CNTNAP5: variants seen among roughly 807,000 people sequenced by gnomAD.
CNTNAP5 encodes contactin-associated protein-like 5.
Under a neutral mutation model 150.2 loss-of-function variants are expected in CNTNAP5, and 72 were observed. That is an observed-to-expected ratio of 0.48 (90% confidence interval 0.40 to 0.58). The LOEUF (loss-of-function observed/expected upper bound fraction) is 0.58. Among genes scored for constraint, CNTNAP5 ranks in the 20% least tolerant of loss-of-function variants. The pLI is 0.00. For synonymous variants in CNTNAP5, 672 were observed against 619.8 expected, an observed-to-expected ratio of 1.08 and a Z score of -1.25; for missense variants, 1,636 against 1,626.2, an observed-to-expected ratio of 1.01 and a Z score of -0.10.
chr2:124,665,032 G>A (rs1558726346), intron 13 of CNTNAP5, among the ~76,000 whole-genome samples: 1 of 152,148 alleles, frequency 6.6e-6, no homozygotes, highest in African/African-American at 2.4e-5. Flanking sequence ...CGAGACAGAA[G>A]TAATTGGTGC....
rs762142001 is a variant in CNTNAP5, at chr2:124,474,786, A to G, written c.966A>G (p.Leu322=). The G allele has an allele frequency of 3.1e-6, 5 of 1,601,456 alleles. No individual in the cohort carries two copies. Among genetic ancestry groups the G allele is most frequent in the East Asian group, 2.3e-5 (1 of 44,390 alleles). Residue 322 remains leucine, a synonymous_variant, in exon 7 of 24, where the codon TTA becomes TTG. Coordinates refer to ENST00000682447, the MANE Select transcript of CNTNAP5 (RefSeq NM_001367498.1). ...TACCAGGAAAACCTGGGACCTTTTT[A>G]AAGAAAAACTTCCATGGATGCATCG... The part of the protein sequence containing the change: ...IPVPGKPGTF[L]KKNFHGCIEN...
At chr2:124,129,520 T>TA (rs11451862) in intron 1 of CNTNAP5, among the ~76,000 whole-genome samples, 20,499 of 151,688 alleles carry the variant, frequency 0.14, 1,464 homozygotes, top group Middle Eastern at 0.23. Context: ...GGGAATAATT[T>TA]AAAAAAAAAC....
intron 1 of CNTNAP5, among the ~76,000 whole-genome samples, chr2:124,128,303 A>G (rs1224819108): frequency 2.6e-5 from 4 of 152,218 alleles, no homozygotes; most frequent in Admixed American, 2.6e-4. Context: ...CAACAGACAC[A>G]CGAAAAAATG....
At chr2:124,048,773 G>A (rs1051139118) in intron 1 of CNTNAP5, among the ~76,000 whole-genome samples, 3 of 152,146 alleles carry the variant, frequency 2.0e-5, no homozygotes, top group Non-Finnish European at 2.9e-5. Context: ...AGTGATAAAC[G>A]GGGTCATCCA....
chr2:124,445,109 A>G (rs901031992), intron 5 of CNTNAP5, among the ~76,000 whole-genome samples: 16 of 142,738 alleles, frequency 1.1e-4, no homozygotes, highest in Non-Finnish European at 2.0e-4. Flanking sequence ...TTTTAGATGA[A>G]GTTTTGCTCT....
intron 3 of CNTNAP5, among the ~76,000 whole-genome samples, chr2:124,317,322 T>C (rs952194605): frequency 1.3e-5 from 2 of 152,176 alleles, no homozygotes; most frequent in Non-Finnish European, 2.9e-5. Context: ...TATCCAATGT[T>C]ACCAATACAA....
chr2:124,800,047 A>G (rs1388323069), intron 19 of CNTNAP5, among the ~76,000 whole-genome samples: 1 of 152,204 alleles, frequency 6.6e-6, no homozygotes, highest in African/African-American at 2.4e-5. Context: ...TGTGAGGGTG[A>G]TAAAGCTGAC....
chr2:124,715,065 G>C (rs1035314819), intron 13 of CNTNAP5, among the ~76,000 whole-genome samples: 3 of 152,174 alleles, frequency 2.0e-5, no homozygotes, highest in Non-Finnish European at 4.4e-5. Flanking sequence ...AGAGGCAAAA[G>C]TAATGCTATT....
At chr2:124,536,545 C>T (rs569429661) in intron 10 of CNTNAP5, among the ~76,000 whole-genome samples, 2 of 152,220 alleles carry the variant, frequency 1.3e-5, no homozygotes, top group South Asian at 4.1e-4. Context: ...ACAACCAATT[C>T]TTAGAGAGGT....
Position 124,417,450 on chromosome 2 carries a change from C to A in CNTNAP5, c.389C>A (p.Ala130Glu), listed in dbSNP as rs889258426. ...YKQEDSIWTF[A>E]GNMNADSVVH... is the part of the protein sequence containing the mutation. The stretch of plus-strand genomic sequence containing the variant: ...CTCCTTTCTTCTCTGCAGACCTTTG[C>A]AGGAAACATGAATGCTGACAGCGTG... Residue 130 changes from alanine (A) to glutamate (E), a missense_variant, in exon 4 of 24, where the codon GCA becomes GAA. Ala to Glu is a moderately radical substitution (Grantham distance 107). Coordinates refer to ENST00000682447, the MANE Select transcript of CNTNAP5 (RefSeq NM_001367498.1). 2 of 1,613,784 alleles carry A rather than the reference C, an allele frequency of 1.2e-6. No homozygotes were observed. Among genetic ancestry groups the A allele is most frequent in the Non-Finnish European group, 1.7e-6 (2 of 1,179,756 alleles).
chr2:124,030,568 T>C (rs1276356052), intron 1 of CNTNAP5, among the ~76,000 whole-genome samples: 1 of 152,128 alleles, frequency 6.6e-6, no homozygotes, highest in Non-Finnish European at 1.5e-5. Context: ...ACATGGGTTC[T>C]TTATGGTTAA....
chr2:124,559,695 A>C (rs936896954), intron 10 of CNTNAP5, among the ~76,000 whole-genome samples: 1 of 152,178 alleles, frequency 6.6e-6, no homozygotes, highest in Non-Finnish European at 1.5e-5. Context: ...TGCTCAGTTT[A>C]TGCCACGTAG....
At chr2:124,741,238 G>A (rs1442524679) in intron 13 of CNTNAP5, among the ~76,000 whole-genome samples, 1 of 152,132 alleles carries the variant, frequency 6.6e-6, no homozygotes, top group Non-Finnish European at 1.5e-5. Context: ...GCTCAACAGA[G>A]CACAGTCTGT....
intron 11 of CNTNAP5, among the ~76,000 whole-genome samples, chr2:124,605,260 C>T (rs11123053): frequency 0.56 from 84,802 of 151,862 alleles, 24,274 homozygotes; most frequent in African/African-American, 0.6. Flanking sequence ...TTAGTCATGA[C>T]TTAAAGTCAA....
intron 17 of CNTNAP5, among the ~76,000 whole-genome samples, chr2:124,783,840 T>C (rs1434762022): frequency 6.6e-6 from 1 of 152,208 alleles, no homozygotes; most frequent in Non-Finnish European, 1.5e-5. Context: ...TAGTGATTCC[T>C]GAGCAAGAAA....
At chr2:124,162,751 A>G (rs1205784262) in intron 1 of CNTNAP5, among the ~76,000 whole-genome samples, 1 of 152,198 alleles carries the variant, frequency 6.6e-6, no homozygotes, top group African/African-American at 2.4e-5. Context: ...TAAGCTTGGA[A>G]TTATTTAGTT....
chr2:124,328,926 G>A (rs911994463), intron 3 of CNTNAP5, among the ~76,000 whole-genome samples: 1 of 152,204 alleles, frequency 6.6e-6, no homozygotes, highest in African/African-American at 2.4e-5. Flanking sequence ...CCATGCTTAT[G>A]AACCTGCATA....
At chr2:124,248,560 C>CTTCA (rs933011636) in intron 3 of CNTNAP5, among the ~76,000 whole-genome samples, 2 of 152,242 alleles carry the variant, frequency 1.3e-5, no homozygotes, top group African/African-American at 4.8e-5. Flanking sequence ...TTCACCCCAG[C>CTTCA]TTCAGCAGGC....
chr2:124,739,548 C>T (rs927680716), intron 13 of CNTNAP5, among the ~76,000 whole-genome samples: 3 of 152,070 alleles, frequency 2.0e-5, no homozygotes, highest in Non-Finnish European at 4.4e-5. Context: ...TTGGTGGCCT[C>T]GTTCTCTAGA....
Sources: allele counts gnomAD v4.1 joint callset (sites outside exome capture counted in the v4.1 genomes callset), GRCh38; gene constraint gnomAD v4.1.1; transcripts MANE v1.5; gene names NCBI Gene and HGNC (gene_info 2026-07-23, HGNC 2026-07-21).